Variants in GRIK2 observed in about 807,000 individuals in gnomAD.
The protein encoded by GRIK2 is glutamate ionotropic receptor kainate type subunit 2, also known as glutamate receptor ionotropic, kainate 2.
In GRIK2, 32 loss-of-function variants were observed where a neutral mutation model predicts 100.3. That is an observed-to-expected ratio of 0.32 (90% CI 0.24 to 0.43). GRIK2 has a LOEUF of 0.43. Among genes scored for constraint, GRIK2 ranks in the 20% least tolerant of loss-of-function variants. GRIK2 has a pLI of 1.00. For missense variants in GRIK2, 843 were observed against 1,114.9 expected (o/e 0.76, Z 3.47); for synonymous variants, 417 against 389.4 (o/e 1.07, Z -0.83).
intron 2 of GRIK2, among the ~76,000 whole-genome samples, chr6:101,578,301 A>G (rs1460198229): frequency 6.6e-6 from 1 of 152,188 alleles, no homozygotes; most frequent in Non-Finnish European, 1.5e-5. Context: ...GATCCCAGGA[A>G]CACTTCAGCA....
chr6:101,542,257 C>A (rs999937715), intron 2 of GRIK2, among the ~76,000 whole-genome samples: 1 of 151,670 alleles, frequency 6.6e-6, no homozygotes, highest in Non-Finnish European at 1.5e-5. Flanking sequence ...AAAAAAGAAC[C>A]ATAAGAGAAT....
At chr6:101,819,903 A>G (rs1032897828) in intron 10 of GRIK2, among the ~76,000 whole-genome samples, 1 of 152,080 alleles carries the variant, frequency 6.6e-6, no homozygotes, top group East Asian at 1.9e-4. Flanking sequence ...TCATTTCTCT[A>G]CTTCTTTGTT....
intron 14 of GRIK2, among the ~76,000 whole-genome samples, chr6:102,002,869 T>C (rs1795025226): frequency 6.7e-6 from 1 of 149,970 alleles, no homozygotes; most frequent in Admixed American, 6.7e-5. Flanking sequence ...TATATATAGA[T>C]TTATACTTGT....
rs562246542 is a variant in GRIK2, at chr6:101,522,802, T to C, written c.116-99147T>C. Among the ~76,000 whole-genome samples, 3 of 152,114 alleles carry C rather than the reference T, an allele frequency of 2.0e-5. No individual in the cohort carries two copies. In the South Asian group the frequency reaches 6.2e-4, roughly 32 times the overall value. On this transcript the variant is annotated intron_variant, in intron 2 of 16. Coordinates refer to ENST00000369134, the MANE Select transcript of GRIK2 (RefSeq NM_021956.5). The stretch of plus-strand genomic sequence containing the variant: ...TTGTCTAACTTTTCCCCTTCTACAT[T>C]GTAAGCTCCATGGCTCCATGACTTC...
chr6:101,750,489 A>G (rs550739247), intron 7 of GRIK2, among the ~76,000 whole-genome samples: 1 of 152,342 alleles, frequency 6.6e-6, no homozygotes, highest in South Asian at 2.1e-4. Context: ...AACCTTGTAG[A>G]GGAATCCTTT....
At chr6:101,681,749 G>A (rs571231233) in intron 5 of GRIK2, among the ~76,000 whole-genome samples, 3 of 152,120 alleles carry the variant, frequency 2.0e-5, no homozygotes, top group East Asian at 3.9e-4. Context: ...CTTTTGGAAG[G>A]CTATTAGATG....
chr6:101,475,425 G>A (rs1411202847), intron 2 of GRIK2, among the ~76,000 whole-genome samples: 1 of 151,892 alleles, frequency 6.6e-6, no homozygotes, highest in Non-Finnish European at 1.5e-5. Context: ...AGTTTAAAAG[G>A]AATTAGGCTA....
intron 14 of GRIK2, among the ~76,000 whole-genome samples, chr6:101,955,615 T>TCTCTCTCC (rs1405718742): frequency 0.015 from 1,425 of 92,652 alleles, 57 homozygotes; most frequent in African/African-American, 0.059. Flanking sequence ...TCTCTCTCTC[T>TCTCTCTCC]CCCCCCCATT....
intron 4 of GRIK2, among the ~76,000 whole-genome samples, chr6:101,654,318 T>C (rs996173408): frequency 6.6e-6 from 1 of 152,108 alleles, no homozygotes; most frequent in Non-Finnish European, 1.5e-5. Flanking sequence ...TTACTTTTTT[T>C]CCCCAGTCCT....
chr6:101,413,676 G>GTATT (rs1270086025), intron 2 of GRIK2, among the ~76,000 whole-genome samples: 3 of 151,920 alleles, frequency 2.0e-5, no homozygotes, highest in Non-Finnish European at 4.4e-5. Context: ...TTCTGTTTCA[G>GTATT]TATTTCAATT....
intron 7 of GRIK2, among the ~76,000 whole-genome samples, chr6:101,713,202 T>C (rs1025787477): frequency 4.3e-4 from 66 of 151,874 alleles, no homozygotes; most frequent in African/African-American, 1.5e-3. Context: ...TTTTAAAAAA[T>C]TATACCATTA....
intron 2 of GRIK2, among the ~76,000 whole-genome samples, chr6:101,453,695 C>A (rs1770839237): frequency 1.3e-5 from 2 of 151,926 alleles, no homozygotes; most frequent in South Asian, 2.1e-4. Flanking sequence ...GTAACCTTTT[C>A]TTGAAATGTC....
chr6:101,850,001 C>T (rs1053944190), intron 10 of GRIK2, among the ~76,000 whole-genome samples: 8 of 151,642 alleles, frequency 5.3e-5, no homozygotes, highest in Non-Finnish European at 1.2e-4. Context: ...CTGGGGTTAC[C>T]TGAATATACC....
At chr6:101,822,414 C>T (rs1782016691) in intron 10 of GRIK2, among the ~76,000 whole-genome samples, 3 of 151,492 alleles carry the variant, frequency 2.0e-5, no homozygotes, top group Non-Finnish European at 1.5e-5. Context: ...GAGGAATTAG[C>T]AAGGTGAAGA....
intron 4 of GRIK2, among the ~76,000 whole-genome samples, chr6:101,667,667 A>T (rs992693326): frequency 6.6e-6 from 1 of 152,202 alleles, no homozygotes; most frequent in Admixed American, 6.5e-5. Context: ...CATAGTGCCT[A>T]GAATGTATCA....
At chr6:102,039,644 C>G (rs2114444964) in intron 15 of GRIK2, among the ~76,000 whole-genome samples, 1 of 151,578 alleles carries the variant, frequency 6.6e-6, no homozygotes, top group East Asian at 1.9e-4. Context: ...TCCTGACTGC[C>G]TGTACTTAAA....
chr6:101,873,018 T>C (rs978746297), intron 11 of GRIK2, among the ~76,000 whole-genome samples: 3 of 151,930 alleles, frequency 2.0e-5, no homozygotes, highest in African/African-American at 7.2e-5. Flanking sequence ...CTTAGTTATA[T>C]AGGTCCCCAA....
chr6:101,739,205 A>G (rs1775869553), intron 7 of GRIK2, among the ~76,000 whole-genome samples: 1 of 152,316 alleles, frequency 6.6e-6, no homozygotes, highest in East Asian at 1.9e-4. Context: ...CTTCAAATGG[A>G]CTATCGCATG....
chr6:101,501,652 A>G (rs1438285074), intron 2 of GRIK2, among the ~76,000 whole-genome samples: 1 of 152,182 alleles, frequency 6.6e-6, no homozygotes, highest in Non-Finnish European at 1.5e-5. Flanking sequence ...TTTTGTTTTA[A>G]AGTAACAGGA....
Sources: gnomAD v4.1 joint callset for allele counts (sites outside exome capture counted in the v4.1 genomes callset) on GRCh38, gnomAD v4.1.1 for gene constraint, MANE v1.5 for transcripts, NCBI Gene and HGNC (gene_info 2026-07-23, HGNC 2026-07-21) for gene names.